The following VAT1L variants were observed in gnomAD, a reference collection of about 807,000 sequenced individuals.
VAT1L encodes the protein putative NADPH-dependent quinone oxidoreductase VAT1L.
A neutral mutation model predicts 44.1 loss-of-function variants in VAT1L; 34 were observed. The observed-to-expected ratio is 0.77, with a 90% confidence interval of 0.59 to 1.03. The LOEUF (loss-of-function observed/expected upper bound fraction) is 1.03, where lower values mean the gene tolerates loss of function less well. Among genes scored for constraint, VAT1L ranks in the 50% least tolerant of loss-of-function variants. The probability of loss-of-function intolerance (pLI) is 0.00; values close to 1 mark genes in which losing one functional copy is unlikely to be tolerated. For missense variants in VAT1L, 615 were observed against 538.8 expected, an observed-to-expected ratio of 1.14 and a Z score of -1.40; for synonymous variants, 253 against 202.2, an observed-to-expected ratio of 1.25 and a Z score of -2.13.
intron 7 of VAT1L, among the ~76,000 whole-genome samples, chr16:77,941,781 G>GT (rs1338660505): frequency 6.6e-6 from 1 of 151,972 alleles, no homozygotes; most frequent in Non-Finnish European, 1.5e-5. Flanking sequence ...TAGAAACAGG[G>GT]TTTCACCGTG....
chr16:77,909,773 G>C (rs534527660), intron 7 of VAT1L, among the ~76,000 whole-genome samples: 132 of 152,164 alleles, frequency 8.7e-4, no homozygotes, highest in Non-Finnish European at 1.7e-3. Context: ...AGGTTTAGGA[G>C]CTTGTCCAAG....
chr16:77,912,837 G>A (rs2017512912), intron 7 of VAT1L, among the ~76,000 whole-genome samples: 1 of 152,150 alleles, frequency 6.6e-6, no homozygotes, highest in South Asian at 2.1e-4. Context: ...TTTGTGCTTG[G>A]TGAGGGCTCT....
intron 7 of VAT1L, among the ~76,000 whole-genome samples, chr16:77,926,363 G>A (rs774358061): frequency 2.6e-5 from 4 of 151,764 alleles, no homozygotes; most frequent in East Asian, 3.9e-4. Flanking sequence ...CAGGCAGATC[G>A]CCTAAGGACA....
At position 77,791,194 on chromosome 16, in the gene VAT1L, C is replaced by T. The variant is rs145785316; in HGVS notation, c.233+2279C>T. ...ATGATCATTGATTATAAGTTTTAGC[C>T]TTGGGATACAGGATGACTCATTCTG... On this transcript the variant is annotated intron_variant, in intron 1 of 8. Transcript: ENST00000302536. Among the ~76,000 whole-genome samples the T allele has an allele frequency of 3.4e-4, 52 of 152,316 alleles. No individual in the cohort carries two copies. The East Asian group carries it at 9.3e-3, about 27-fold the overall frequency.
chr16:77,830,269 T>A (rs1374376369), intron 3 of VAT1L, among the ~76,000 whole-genome samples: 1 of 152,208 alleles, frequency 6.6e-6, no homozygotes, highest in East Asian at 1.9e-4. Flanking sequence ...TGTTTTTTTC[T>A]TTCCAAAATG....
At chr16:77,962,843 G>A (rs981925548) in intron 7 of VAT1L, among the ~76,000 whole-genome samples, 1 of 152,188 alleles carries the variant, frequency 6.6e-6, no homozygotes, top group Non-Finnish European at 1.5e-5. Context: ...CTACTTGGGA[G>A]GCTGAGACAG....
intron 3 of VAT1L, among the ~76,000 whole-genome samples, chr16:77,834,436 C>G (rs2016616780): frequency 6.6e-6 from 1 of 152,146 alleles, no homozygotes; most frequent in South Asian, 2.1e-4. Context: ...GAGTTTGGAC[C>G]AACGAAACAT....
chr16:77,858,863 T>C (rs1370160155), intron 3 of VAT1L, among the ~76,000 whole-genome samples: 1 of 151,930 alleles, frequency 6.6e-6, no homozygotes, highest in Non-Finnish European at 1.5e-5. Context: ...AGGCTGGGCT[T>C]GGTGGCTCAC....
intron 7 of VAT1L, among the ~76,000 whole-genome samples, chr16:77,902,520 T>C (rs1325036054): frequency 6.6e-6 from 1 of 152,122 alleles, no homozygotes; most frequent in African/African-American, 2.4e-5. Context: ...TCAAAACCAA[T>C]TTAAATACTT....
At chr16:77,966,823 C>G (rs1010833197) in intron 7 of VAT1L, among the ~76,000 whole-genome samples, 2 of 150,696 alleles carry the variant, frequency 1.3e-5, no homozygotes, top group Admixed American at 6.6e-5. Flanking sequence ...AGCCAAATTT[C>G]AAAGGCGCAC....
intron 3 of VAT1L, among the ~76,000 whole-genome samples, chr16:77,826,605 T>C (rs181816183): frequency 1.3e-5 from 2 of 152,298 alleles, no homozygotes; most frequent in South Asian, 2.1e-4. Flanking sequence ...CAGAAACTTC[T>C]CTCATGGTTT....
Position 77,978,497 on chromosome 16 carries a change from C to T in VAT1L, c.*802C>T, listed in dbSNP as rs2018365165. ...ATACAAGACACATTCAGAAGTCATT[C>T]CTGAGCATTGCTGGTGTTTGCACAC... On this transcript the variant is annotated 3_prime_UTR_variant, in exon 9 of 9. Coordinates refer to ENST00000302536, the MANE Select transcript of VAT1L (RefSeq NM_020927.3). The T allele has an allele frequency of 6.6e-6, 1 of 151,910 alleles. No homozygotes were observed. Among genetic ancestry groups the T allele is most frequent in the South Asian group, 2.1e-4 (1 of 4,824 alleles). The allele number at this position is 151,910 out of a possible 1,614,324, so 9.4% of individuals were successfully genotyped here.
intron 7 of VAT1L, among the ~76,000 whole-genome samples, chr16:77,895,275 C>A (rs1327360686): frequency 1.3e-5 from 2 of 152,232 alleles, no homozygotes; most frequent in Non-Finnish European, 2.9e-5. Context: ...TAAGGCACAG[C>A]TCTGCCTCAG....
chr16:77,809,588 G>GA (rs534705124), intron 1 of VAT1L, among the ~76,000 whole-genome samples: 261 of 152,204 alleles, frequency 1.7e-3, no homozygotes, highest in African/African-American at 6.2e-3. Context: ...TGCACTTTCA[G>GA]AAAAAATAAA....
At chr16:77,923,515 A>G (rs1229015374) in intron 7 of VAT1L, among the ~76,000 whole-genome samples, 28 of 152,168 alleles carry the variant, frequency 1.8e-4, no homozygotes, top group Non-Finnish European at 1.5e-5. Context: ...TGGTCCCTGG[A>G]AAGATTGATG....
intron 3 of VAT1L, among the ~76,000 whole-genome samples, chr16:77,852,762 C>T (rs2016820019): frequency 6.6e-6 from 1 of 152,172 alleles, no homozygotes; most frequent in Non-Finnish European, 1.5e-5. Context: ...AACTGTCCTA[C>T]AGCATAAGGC....
chr16:77,961,765 G>A (rs1318968532), intron 7 of VAT1L, among the ~76,000 whole-genome samples: 1 of 152,112 alleles, frequency 6.6e-6, no homozygotes, highest in African/African-American at 2.4e-5. Flanking sequence ...CCTGGGCTTG[G>A]CCCCCTGCCT....
At chr16:77,820,397 C>A (rs541103955) in intron 2 of VAT1L, among the ~76,000 whole-genome samples, 1 of 152,348 alleles carries the variant, frequency 6.6e-6, no homozygotes, top group East Asian at 1.9e-4. Flanking sequence ...CAAAAACACA[C>A]ATTTAGCTGA....
In VAT1L at chr16:77,817,049, A is replaced by AG; in HGVS notation, c.363+1dup. On this transcript the variant is annotated frameshift_variant and splice_region_variant, in exon 2 of 9. Coordinates refer to ENST00000302536, the MANE Select transcript of VAT1L (RefSeq NM_020927.3). LOFTEE classifies it high-confidence loss of function. ...CTGGGGGACAGCGTGAAAGGATATG[A>AG]GGTAATGTTTGGCTCTCAATTGAAG... 1.2e-6 allele frequency: 2 copies of AG among 1,612,550 alleles called. No individual in the cohort carries two copies. Among genetic ancestry groups the AG allele is most frequent in the Non-Finnish European group, 1.7e-6 (2 of 1,179,518 alleles).
Sources: gnomAD v4.1 joint callset for allele counts (sites outside exome capture counted in the v4.1 genomes callset) on GRCh38, gnomAD v4.1.1 for gene constraint, MANE v1.5 for transcripts, NCBI Gene and HGNC (gene_info 2026-07-23, HGNC 2026-07-21) for gene names.